CMTM3: variants seen among roughly 807,000 people sequenced by gnomAD.
CMTM3 encodes the protein CKLF like MARVEL transmembrane domain containing 3, also known as CKLF-like MARVEL transmembrane domain-containing protein 3.
A neutral mutation model predicts 18.2 loss-of-function variants in CMTM3; 7 were observed. The observed-to-expected ratio is 0.38, with a 90% CI of 0.22 to 0.72. CMTM3 has a LOEUF of 0.72. CMTM3 is among the 30% of genes least tolerant of loss of function. The pLI is 0.46. For synonymous variants in CMTM3, 109 were observed against 111.2 expected (o/e 0.98, Z 0.12); for missense variants, 227 against 249.2 (o/e 0.91, Z 0.60).
chr16:66,606,707 C>A (rs1027992748), intron 1 of CMTM3, among the ~76,000 whole-genome samples: 1 of 152,188 alleles, frequency 6.6e-6, no homozygotes, highest in Non-Finnish European at 1.5e-5. Flanking sequence ...AAGAACTCTA[C>A]CTGGGCCGGG....
Position 66,613,198 on chromosome 16 carries a change from C to A in CMTM3, c.*561C>A. ...TGAAGCAGGGAGAAATTGACCTTTG[C>A]CTTGTCGCCCAGGAAGTGGGGCTCG... is the stretch of plus-strand genomic sequence containing the variant. On this transcript the variant is annotated 3_prime_UTR_variant, in exon 5 of 5. Coordinates refer to ENST00000567572, the MANE Select transcript of CMTM3 (RefSeq NM_181553.4). The A allele has an allele frequency of 1.4e-6, 1 of 695,474 alleles. No homozygotes were observed. The highest frequency in any genetic ancestry group is 2.6e-6 in the Non-Finnish European group (1 of 380,156). 43.1% of individuals were successfully genotyped at this position (695,474 alleles called of 1,614,324 possible). A position where few individuals can be genotyped will look rare whatever the true frequency, so the allele number is the denominator to read the frequency against.
Position 66,609,658 on chromosome 16 carries a change from T to C in CMTM3, c.399+128T>C. On this transcript the variant is annotated intron_variant, in intron 3 of 4. Coordinates refer to ENST00000567572, the MANE Select transcript of CMTM3 (RefSeq NM_181553.4). This position sits in a 1 kb window ranked among gnomAD's most constrained non-coding sequence, Gnocchi z 4.4. ...GGTCTCATGTGGGTCCCGATGATGATTCCAAAGTCCTCTCATTAAAGACTG... is the reference window on the plus strand; with the variant it reads ...GGTCTCATGTGGGTCCCGATGATGACTCCAAAGTCCTCTCATTAAAGACTG... 6.5e-7 allele frequency: 1 copy of C among 1,526,828 alleles called. No individual in the cohort carries two copies. Among genetic ancestry groups the C allele is most frequent in the Non-Finnish European group, 8.8e-7 (1 of 1,132,378 alleles). 94.6% of individuals were successfully genotyped at this position (1,526,828 alleles called of 1,614,324 possible).
Position 66,609,747 on chromosome 16 carries a change from C to CG in CMTM3, c.400-135dup, listed in dbSNP as rs750309642. 2 of 1,580,930 alleles carry CG rather than the reference C, an allele frequency of 1.3e-6. No individual in the cohort carries two copies. The highest frequency in any genetic ancestry group is 1.7e-6 in the Non-Finnish European group (2 of 1,163,792). On this transcript the variant is annotated intron_variant, in intron 3 of 4. Transcript: ENST00000567572. The surrounding 1 kb of genome is among the most constrained non-coding windows in gnomAD (Gnocchi z 4.4). Reference sequence around the variant, plus strand: ...AGTTCACAGCTCATTTTCCCACTTCCGTTACTCACAGGGGTCTGTGCCTGA... The same window carrying CG: ...AGTTCACAGCTCATTTTCCCACTTCCGGTTACTCACAGGGGTCTGTGCCTGA...
Position 66,610,117 on chromosome 16 carries a change from G to A in CMTM3, c.520+114G>A. 1 of 1,396,960 alleles carries A rather than the reference G, an allele frequency of 7.2e-7. No homozygotes were observed. Among genetic ancestry groups the A allele is most frequent in the Non-Finnish European group, 9.9e-7 (1 of 1,014,792 alleles). The allele number at this position is 1,396,960 out of a possible 1,614,324, so 86.5% of individuals were successfully genotyped here. A position where few individuals can be genotyped will look rare whatever the true frequency, so the allele number is the denominator to read the frequency against. On this transcript the variant is annotated intron_variant, in intron 4 of 4. Coordinates refer to ENST00000567572, the MANE Select transcript of CMTM3 (RefSeq NM_181553.4). The surrounding 1 kb of genome is among the most constrained non-coding windows in gnomAD (Gnocchi z 4.6). Reference sequence around the variant, plus strand: ...ATCATTTCCTCTCTCCCCATGGCAGGAAGTGTTTTCACAGCCCATTCTCAC... The same window carrying A: ...ATCATTTCCTCTCTCCCCATGGCAGAAAGTGTTTTCACAGCCCATTCTCAC...
intron 1 of CMTM3, among the ~76,000 whole-genome samples, chr16:66,606,015 T>G (rs1189366392): frequency 1.3e-5 from 2 of 150,910 alleles, no homozygotes; most frequent in Non-Finnish European, 3.0e-5. Context: ...GTCCCCAGAG[T>G]GGCTTGAACC....
In CMTM3 at chr16:66,604,908, G is replaced by T. The variant is rs746392593; in HGVS notation, c.103G>T (p.Ala35Ser). ...GCTCCGCGCCCTGCTGCCGGCGCGGGCTTTCCTCTGCTCTCTCAAAGGCCG... is the reference window on the plus strand; with the variant it reads ...GCTCCGCGCCCTGCTGCCGGCGCGGTCTTTCCTCTGCTCTCTCAAAGGCCG... Reference protein sequence around the residue: ...PGLRALLPARAFLCSLKGRLL... With the variant: ...PGLRALLPARSFLCSLKGRLL... The change falls in exon 1 of 5, where the codon GCT (alanine) becomes TCT (serine). Residue 35 changes from alanine (A) to serine (S), a missense_variant. Ala to Ser is a moderately conservative substitution (Grantham distance 99). Transcript: ENST00000567572. 15 of 1,472,998 alleles carry T rather than the reference G, an allele frequency of 1.0e-5. No individual in the cohort carries two copies. The highest frequency in any genetic ancestry group is 1.2e-5 in the Non-Finnish European group (14 of 1,120,100). The allele number at this position is 1,472,998 out of a possible 1,614,324, so 91.2% of individuals were successfully genotyped here. A position where few individuals can be genotyped will look rare whatever the true frequency, so the allele number is the denominator to read the frequency against.
chr16:66,607,627 C>T (rs746754128), intron 1 of CMTM3, among the ~76,000 whole-genome samples: 8 of 152,174 alleles, frequency 5.3e-5, no homozygotes, highest in African/African-American at 7.2e-5. Context: ...GACGAGCACA[C>T]GTCTTTGGTG....
At chr16:66,607,286 G>A (rs1016567197) in intron 1 of CMTM3, among the ~76,000 whole-genome samples, 7 of 152,222 alleles carry the variant, frequency 4.6e-5, no homozygotes, top group Admixed American at 3.9e-4. Context: ...AGAGTTGTGG[G>A]CAAGACCACA....
chr16:66,610,536 G>A lies in CMTM3; in HGVS notation c.520+533G>A, dbSNP rs191233689. 1.8e-4 allele frequency among the ~76,000 whole-genome samples: 28 copies of A among 152,306 alleles called. No individual in the cohort carries two copies. The highest frequency in any genetic ancestry group is 3.8e-4 in the Non-Finnish European group (26 of 68,024). On this transcript the variant is annotated intron_variant, in intron 4 of 4. Transcript: ENST00000567572. The surrounding 1 kb of genome is among the most constrained non-coding windows in gnomAD (Gnocchi z 4.6). ...ATACAGTAGCTGAAAGCAGGCCCAC[G>A]CTGGGTGTCAGCTGGCCCGAGGCTC...
In CMTM3 at chr16:66,607,886, C is replaced by T. The variant is rs185103297; in HGVS notation, c.148-423C>T. Among the ~76,000 whole-genome samples, 373 of 151,642 alleles carry T rather than the reference C, an allele frequency of 2.5e-3. 2 individuals are homozygous for T. The highest frequency in any genetic ancestry group is 8.6e-3 in the African/African-American group (357 of 41,292). On this transcript the variant is annotated intron_variant, in intron 1 of 4. Coordinates refer to ENST00000567572, the MANE Select transcript of CMTM3 (RefSeq NM_181553.4). ...CGGACAGGGTCTCTCTCTCTCTCAC[C>T]CAGGATGGAGTGCAGTGGCCTGATC...
chr16:66,605,237 C>A lies in CMTM3; in HGVS notation c.147+285C>A, dbSNP rs906186927. The stretch of plus-strand genomic sequence containing the variant: ...GTGGGGCCCGGGGATGTGGGTCCTG[C>A]TGTGTGAGCCAGGCGCCCCCGCCCT... On this transcript the variant is annotated intron_variant, in intron 1 of 4. Transcript: ENST00000567572. This position sits in a 1 kb window ranked among gnomAD's most constrained non-coding sequence, Gnocchi z 4.6. The A allele has an allele frequency of 2.0e-5, 6 of 296,286 alleles. No individual in the cohort carries two copies. The highest frequency in any genetic ancestry group is 1.2e-4 in the South Asian group (1 of 8,460). 18.4% of individuals were successfully genotyped at this position (296,286 alleles called of 1,614,324 possible).
At chr16:66,606,299 G>C (rs2015150760) in intron 1 of CMTM3, among the ~76,000 whole-genome samples, 1 of 152,156 alleles carries the variant, frequency 6.6e-6, no homozygotes, top group Non-Finnish European at 1.5e-5. Context: ...GAAAAAACAG[G>C]AATTGAGAGG....
At position 66,605,715 on chromosome 16, in the gene CMTM3, A is replaced by C. The variant is rs1444406052; in HGVS notation, c.147+763A>C. 1 of 152,670 alleles carries C rather than the reference A, an allele frequency of 6.6e-6. No individual in the cohort carries two copies. The highest frequency in any genetic ancestry group is 2.4e-5 in the African/African-American group (1 of 41,444). 9.5% of individuals were successfully genotyped at this position (152,670 alleles called of 1,614,324 possible). On this transcript the variant is annotated intron_variant, in intron 1 of 4. Coordinates refer to ENST00000567572, the MANE Select transcript of CMTM3 (RefSeq NM_181553.4). This position sits in a 1 kb window ranked among gnomAD's most constrained non-coding sequence, Gnocchi z 4.6. ...CGCTTCCTGCCCTTGTCCCCACTTT[A>C]CAGATGAGAGCGCTCAGGCGCCTGA...
At chr16:66,604,140 CGTGT>C (rs760882213), upstream of CMTM3, 1 of 148,358 alleles carries the variant, frequency 6.7e-6, no homozygotes, top group Non-Finnish European at 1.5e-5. Context: ...CGCGCGCGCG[CGTGT>C]GTGTGTGTCT....
At chr16:66,607,004 G>A (rs1440958675) in intron 1 of CMTM3, among the ~76,000 whole-genome samples, 2 of 152,304 alleles carry the variant, frequency 1.3e-5, no homozygotes, top group African/African-American at 4.8e-5. Flanking sequence ...TGGGGCGGAG[G>A]TAAGATAACT....
At position 66,613,577 on chromosome 16, in the gene CMTM3, A is replaced by G. The variant is rs1469245376; in HGVS notation, c.*940A>G. The G allele has an allele frequency of 6.4e-6, 1 of 155,728 alleles. No individual in the cohort carries two copies. The allele number at this position is 155,728 out of a possible 1,614,324, so 9.6% of individuals were successfully genotyped here. On this transcript the variant is annotated 3_prime_UTR_variant, in exon 5 of 5. Transcript: ENST00000567572. Reference sequence around the variant, plus strand: ...CTTTGATGGAATTTTGTAACTTTTTATATTTTTTTATGCAAAAGCAGCTTC... The same window carrying G: ...CTTTGATGGAATTTTGTAACTTTTTGTATTTTTTTATGCAAAAGCAGCTTC...
chr16:66,610,015 C>G lies in CMTM3; in HGVS notation c.520+12C>G. The G allele has an allele frequency of 6.2e-7, 1 of 1,614,114 alleles. No homozygotes were observed. Among genetic ancestry groups the G allele is most frequent in the Non-Finnish European group, 8.5e-7 (1 of 1,180,014 alleles). ...CCACAAGACAGAAGGTAAGCGGCTG[C>G]CCTGATCACCCCAGCAGTGCTGCAA... On this transcript the variant is annotated intron_variant, in intron 4 of 4. Transcript: ENST00000567572. This position sits in a 1 kb window ranked among gnomAD's most constrained non-coding sequence, Gnocchi z 4.6.
rs2015313698 is a variant in CMTM3, at chr16:66,609,957, C to T, written c.474C>T (p.Leu158=). Residue 158 remains leucine (L), a synonymous_variant, in exon 4 of 5, where the codon CTC becomes CTT. Transcript: ENST00000567572. This position sits in a 1 kb window ranked among gnomAD's most constrained non-coding sequence, Gnocchi z 4.4. ...YLIFNDVAKF[L]KQGDSADETT... is the part of the protein sequence containing the mutation. ...TCTTTAACGACGTGGCCAAATTCCT[C>T]AAACAAGGGGACTCTGCAGATGAGA... 6.2e-7 allele frequency: 1 copy of T among 1,614,068 alleles called. No individual in the cohort carries two copies. The highest frequency in any genetic ancestry group is 1.1e-5 in the South Asian group (1 of 91,092).
At chr16:66,604,632 G>A, upstream of CMTM3, 1 of 451,824 alleles carries the variant, frequency 2.2e-6, no homozygotes, top group Non-Finnish European at 3.5e-6. Context: ...GTCCGAGGGG[G>A]AGGGGCGGGC....
Sources: gnomAD v4.1 joint callset for allele counts (sites outside exome capture counted in the v4.1 genomes callset) on GRCh38, gnomAD v4.1.1 for gene constraint, Gnocchi (gnomAD v3.1) non-coding constraint, MANE v1.5 for transcripts, NCBI Gene and HGNC (gene_info 2026-07-23, HGNC 2026-07-21) for gene names.